The following MXI1 variants were observed in gnomAD, a reference collection of about 807,000 sequenced individuals.
The protein encoded by MXI1 is MAX interactor 1, dimerization protein.
A neutral mutation model predicts 36.9 loss-of-function variants in MXI1; 18 were observed. The ratio of observed to expected loss-of-function variants is 0.49; its 90% CI spans 0.34 to 0.72. The LOEUF (loss-of-function observed/expected upper bound fraction) is 0.72. Ranked by LOEUF, MXI1 falls within the 30% of genes least tolerant of loss-of-function variation. The pLI, the probability that MXI1 is intolerant of heterozygous loss-of-function variation, is 0.01. For missense variants in MXI1, 304 were observed against 379.1 expected (o/e 0.80, Z 1.64); for synonymous variants, 160 against 146.7 (o/e 1.09, Z -0.65).
At chr10:110,283,180 A>C (rs1449079240) in intron 5 of MXI1, among the ~76,000 whole-genome samples, 1 of 152,216 alleles carries the variant, frequency 6.6e-6, no homozygotes, top group Non-Finnish European at 1.5e-5. Flanking sequence ...TAGAATCTCT[A>C]AAACTTTTGA....
intron 3 of MXI1, among the ~76,000 whole-genome samples, chr10:110,272,871 CATT>C (rs896026734): frequency 7.2e-5 from 11 of 152,014 alleles, no homozygotes; most frequent in Non-Finnish European, 1.2e-4. Flanking sequence ...TTTCTGTCAT[CATT>C]GAGTCCCATG....
intron 5 of MXI1, among the ~76,000 whole-genome samples, chr10:110,280,309 A>AT (rs1451924525): frequency 9.2e-5 from 14 of 151,588 alleles, no homozygotes; most frequent in South Asian, 2.1e-4. Flanking sequence ...ATTATAAATT[A>AT]TATAATGTCC....
At chr10:110,212,485 A>G (rs1854537877) in intron 1 of MXI1, among the ~76,000 whole-genome samples, 2 of 152,146 alleles carry the variant, frequency 1.3e-5, no homozygotes, top group Non-Finnish European at 2.9e-5. Context: ...TCTGTATCCT[A>G]CCTTCTCTTC....
intron 1 of MXI1, chr10:110,226,366 C>T (rs991840541): frequency 5.8e-6 from 7 of 1,215,092 alleles, no homozygotes; most frequent in South Asian, 1.7e-5. Flanking sequence ...GGAGGGCACG[C>T]GTGTGAGGTG....
chr10:110,280,191 A>G (rs1244989362), intron 5 of MXI1, 106 bp downstream of exon 5: 1 of 921,260 alleles, frequency 1.1e-6, no homozygotes, highest in Non-Finnish European at 1.5e-6. Flanking sequence ...TAGCCAACAG[A>G]GTAACATTGT....
intron 3 of MXI1, among the ~76,000 whole-genome samples, chr10:110,259,388 TACAC>T (rs1856426567): frequency 6.6e-6 from 1 of 152,090 alleles, no homozygotes; most frequent in Non-Finnish European, 1.5e-5. Flanking sequence ...TTGTAATAAT[TACAC>T]AGGAGAATCC....
intron 3 of MXI1, among the ~76,000 whole-genome samples, chr10:110,251,086 T>C (rs1281002892): frequency 2.7e-5 from 4 of 149,524 alleles, no homozygotes; most frequent in Admixed American, 2.7e-4. Flanking sequence ...ATAAGGACTT[T>C]CACCTACCTC....
chr10:110,210,193 T>C, intron 1 of MXI1: 1 of 958,670 alleles, frequency 1.0e-6, no homozygotes, highest in Non-Finnish European at 1.2e-6. Context: ...GTAACCGGGC[T>C]CCAGAGGCTG....
intron 3 of MXI1, chr10:110,245,623 G>A (rs567109469): frequency 1.7e-4 from 26 of 152,198 alleles, no homozygotes; most frequent in Non-Finnish European, 3.5e-4. Context: ...GTGTTGAAGA[G>A]TCTTGTCTAC....
intron 5 of MXI1, among the ~76,000 whole-genome samples, chr10:110,284,156 C>A (rs557233839): frequency 6.6e-6 from 1 of 151,092 alleles, no homozygotes; most frequent in Admixed American, 6.6e-5. Flanking sequence ...TAATGTTTGG[C>A]TTTTAAGTCT....
chr10:110,283,076 T>C (rs1857314363), intron 5 of MXI1, among the ~76,000 whole-genome samples: 1 of 152,162 alleles, frequency 6.6e-6, no homozygotes, highest in Non-Finnish European at 1.5e-5. Context: ...TCAGTGGTGC[T>C]GGGAAACAAT....
intron 1 of MXI1, among the ~76,000 whole-genome samples, chr10:110,214,377 T>C (rs1331376094): frequency 6.6e-6 from 1 of 152,076 alleles, no homozygotes; most frequent in African/African-American, 2.4e-5. Flanking sequence ...TCAACTCTCC[T>C]GGCCTTAACT....
At chr10:110,249,494 G>C (rs982502319) in intron 3 of MXI1, among the ~76,000 whole-genome samples, 20 of 151,324 alleles carry the variant, frequency 1.3e-4, no homozygotes, top group Non-Finnish European at 8.8e-5. Context: ...CACAAGAATT[G>C]CTTGAACCTG....
At chr10:110,258,728 A>G (rs906394819) in intron 3 of MXI1, among the ~76,000 whole-genome samples, 3 of 152,148 alleles carry the variant, frequency 2.0e-5, no homozygotes, top group Non-Finnish European at 4.4e-5. Context: ...TTTAGAGATA[A>G]AATAGAGGAA....
intron 3 of MXI1, among the ~76,000 whole-genome samples, chr10:110,247,468 A>G (rs1429054561): frequency 6.6e-6 from 1 of 152,152 alleles, no homozygotes; most frequent in African/African-American, 2.4e-5. Flanking sequence ...GCCCATGCCT[A>G]TGTCCTGAAT....
chr10:110,225,147 T>C (rs546755720), intron 1 of MXI1, among the ~76,000 whole-genome samples: 2 of 152,340 alleles, frequency 1.3e-5, no homozygotes, highest in Non-Finnish European at 2.9e-5. Flanking sequence ...CGTTTCTCTC[T>C]TACTATGCAA....
chr10:110,264,611 G>C (rs1362315367), intron 3 of MXI1, among the ~76,000 whole-genome samples: 2 of 152,042 alleles, frequency 1.3e-5, no homozygotes, highest in African/African-American at 4.8e-5. Flanking sequence ...TGATCCGCCT[G>C]CCTCAGCCTC....
chr10:110,209,431 A>G (rs1854451584), intron 1 of MXI1, among the ~76,000 whole-genome samples: 2 of 152,216 alleles, frequency 1.3e-5, no homozygotes, highest in Admixed American at 1.3e-4. Context: ...CTCAGACACA[A>G]AAACACCATT....
chr10:110,253,015 A>G (rs555266358), intron 3 of MXI1, among the ~76,000 whole-genome samples: 6 of 152,244 alleles, frequency 3.9e-5, no homozygotes, highest in Non-Finnish European at 8.8e-5. Flanking sequence ...CATACAGTGC[A>G]CTAAGATAAG....
Sources: allele counts gnomAD v4.1 joint callset (sites outside exome capture counted in the v4.1 genomes callset), GRCh38; gene constraint gnomAD v4.1.1; transcripts MANE v1.5; gene names NCBI Gene and HGNC (gene_info 2026-07-23, HGNC 2026-07-21).